The following HIVEP2 variants were observed in gnomAD, a reference collection of about 807,000 sequenced individuals.
The protein encoded by HIVEP2 is transcription factor HIVEP2.
HIVEP2 carries 14 observed loss-of-function variants against 180.7 expected under a neutral mutation model. The observed-to-expected ratio is 0.08, with a 90% CI of 0.05 to 0.12. HIVEP2 has a LOEUF of 0.12. HIVEP2 is among the 10% of genes least tolerant of loss of function. The pLI is 1.00. For missense variants in HIVEP2, 2,579 were observed against 3,008.5 expected, an observed-to-expected ratio of 0.86 and a Z score of 3.34; for synonymous variants, 1,184 against 1,136.4, an observed-to-expected ratio of 1.04 and a Z score of -0.84.
chr6:142,943,084 T>C lies in HIVEP2; in HGVS notation c.-641+2015A>G, dbSNP rs1778218400. The stretch of plus-strand genomic sequence containing the variant: ...TCACAATGCAAATGTACAGTTGTCA[T>C]TTGGTACTATGACTCCTTAGGGTTC... On this transcript the variant is annotated intron_variant, in intron 1 of 9. Transcript: ENST00000367603. The surrounding 1 kb of genome is among the most constrained non-coding windows in gnomAD (Gnocchi z 4.5). Among the ~76,000 whole-genome samples the C allele has an allele frequency of 6.6e-6, 1 of 152,204 alleles. No individual in the cohort carries two copies. The highest frequency in any genetic ancestry group is 1.5e-5 in the Non-Finnish European group (1 of 68,014).
chr6:142,835,537 T>C (rs1032143031), intron 2 of HIVEP2, among the ~76,000 whole-genome samples: 1 of 152,212 alleles, frequency 6.6e-6, no homozygotes, highest in African/African-American at 2.4e-5. Context: ...ATTATAGCTA[T>C]TGAAAAAATT....
At position 142,772,787 on chromosome 6, in the gene HIVEP2, G is replaced by A. The variant is rs368313332; in HGVS notation, c.1952C>T (p.Ser651Phe). The change falls in exon 5 of 10, where the codon TCT (serine) becomes TTT (phenylalanine). Residue 651 changes from serine (S) to phenylalanine (F), a missense_variant. Around this residue, in one of 11 missense-constraint regions of HIVEP2, gnomAD observed 524 missense variants for 563.6 expected, o/e 0.93. Coordinates refer to ENST00000367603, the MANE Select transcript of HIVEP2 (RefSeq NM_006734.4). The surrounding 1 kb of genome is among the most constrained non-coding windows in gnomAD (Gnocchi z 4.9). Reference sequence around the variant, plus strand: ...CCTGTAGTTTTGCTTTGGTGTTTCAGAGTCCTCCCACTTCTTATAGGGTTT... The same window carrying A: ...CCTGTAGTTTTGCTTTGGTGTTTCAAAGTCCTCCCACTTCTTATAGGGTTT... The part of the protein sequence containing the change: ...CRKPYKKWED[S>F]ETPKQNYRDI... 1 of 1,614,186 alleles carries A rather than the reference G, an allele frequency of 6.2e-7. No individual in the cohort carries two copies. The highest frequency in any genetic ancestry group is 8.5e-7 in the Non-Finnish European group (1 of 1,180,046).
intron 1 of HIVEP2, among the ~76,000 whole-genome samples, chr6:142,868,634 T>C (rs1466695417): frequency 1.3e-5 from 2 of 152,166 alleles, no homozygotes; most frequent in East Asian, 3.8e-4. Context: ...TAATTCAATA[T>C]AGGGCAAACT....
chr6:142,802,780 C>T (rs921832898), intron 2 of HIVEP2, among the ~76,000 whole-genome samples: 62 of 152,104 alleles, frequency 4.1e-4, no homozygotes, highest in African/African-American at 1.4e-3. Context: ...CAGCAATACA[C>T]AAAGAAAAGA....
At chr6:142,930,865 C>A (rs72997035) in intron 1 of HIVEP2, among the ~76,000 whole-genome samples, 5,567 of 152,234 alleles carry the variant, frequency 0.037, 148 homozygotes, top group Non-Finnish European at 0.054. Flanking sequence ...TTTTCCTATT[C>A]TCTCCTAGTC....
chr6:142,881,243 C>T (rs1207554546), intron 1 of HIVEP2, among the ~76,000 whole-genome samples: 3 of 152,196 alleles, frequency 2.0e-5, no homozygotes, highest in Non-Finnish European at 4.4e-5. Context: ...ATCCAGTTCA[C>T]ACGAGTCAGG....
intron 3 of HIVEP2, among the ~76,000 whole-genome samples, chr6:142,782,352 T>C (rs1409154549): frequency 6.6e-6 from 1 of 152,196 alleles, no homozygotes; most frequent in Non-Finnish European, 1.5e-5. Context: ...GTTGTAACAT[T>C]GATCCCACGA....
intron 8 of HIVEP2, 123 bp downstream of exon 8, chr6:142,761,341 A>G: frequency 1.7e-6 from 1 of 581,132 alleles, no homozygotes; most frequent in Non-Finnish European, 3.1e-6. Flanking sequence ...TTCTATATTT[A>G]GTATTTAATA....
intron 5 of HIVEP2, among the ~76,000 whole-genome samples, chr6:142,768,792 T>C (rs1449154234): frequency 1.3e-5 from 2 of 151,814 alleles, no homozygotes; most frequent in Non-Finnish European, 1.5e-5. Context: ...GATACACATA[T>C]ACACTCAGCA....
At chr6:142,815,802 T>C (rs766956640) in intron 2 of HIVEP2, among the ~76,000 whole-genome samples, 17 of 152,240 alleles carry the variant, frequency 1.1e-4, no homozygotes, top group Non-Finnish European at 2.4e-4. Context: ...GCTAGTCTTC[T>C]GCACAAAATA....
chr6:142,796,426 T>C (rs1032837228), intron 2 of HIVEP2, among the ~76,000 whole-genome samples: 5 of 152,178 alleles, frequency 3.3e-5, no homozygotes, highest in Admixed American at 2.0e-4. Context: ...ATTTTGTATG[T>C]TGTCTGTATT....
chr6:142,936,483 C>G (rs546647067), intron 1 of HIVEP2, among the ~76,000 whole-genome samples: 1 of 151,930 alleles, frequency 6.6e-6, no homozygotes, highest in Admixed American at 6.6e-5. Flanking sequence ...AGCCACCGCC[C>G]GACCACCAGC....
chr6:142,808,671 TAGA>T (rs1019036593), intron 2 of HIVEP2, among the ~76,000 whole-genome samples: 1 of 131,678 alleles, frequency 7.6e-6, no homozygotes, highest in African/African-American at 3.0e-5. Flanking sequence ...GCTAGATGGA[TAGA>T]AGGATGGATG....
At chr6:142,826,378 T>C (rs1774901507) in intron 2 of HIVEP2, among the ~76,000 whole-genome samples, 1 of 152,172 alleles carries the variant, frequency 6.6e-6, no homozygotes, top group Admixed American at 6.5e-5. Flanking sequence ...GTCTCAATGG[T>C]CCCTCACAAT....
chr6:142,920,269 T>C (rs912558994), intron 1 of HIVEP2, among the ~76,000 whole-genome samples: 1 of 152,208 alleles, frequency 6.6e-6, no homozygotes, highest in African/African-American at 2.4e-5. Context: ...TGCTACTTAT[T>C]TGTCACTCAA....
intron 2 of HIVEP2, among the ~76,000 whole-genome samples, chr6:142,796,584 A>G (rs1031228465): frequency 6.6e-6 from 1 of 152,154 alleles, no homozygotes; most frequent in Non-Finnish European, 1.5e-5. Flanking sequence ...TCTGCCTGAA[A>G]TGGTGGCAAC....
At chr6:142,881,226 T>C (rs983162794) in intron 1 of HIVEP2, among the ~76,000 whole-genome samples, 4 of 152,338 alleles carry the variant, frequency 2.6e-5, no homozygotes, top group Middle Eastern at 3.4e-3. Context: ...ATTTTGGATA[T>C]GGCCTTATCC....
chr6:142,816,931 C>T (rs1776855596), intron 2 of HIVEP2, among the ~76,000 whole-genome samples: 1 of 152,092 alleles, frequency 6.6e-6, no homozygotes, highest in African/African-American at 2.4e-5. Flanking sequence ...CACGCTATCT[C>T]TCTCTCTCAA....
chr6:142,793,047 C>T (rs1254829581), intron 2 of HIVEP2, among the ~76,000 whole-genome samples: 1 of 152,094 alleles, frequency 6.6e-6, no homozygotes, highest in Admixed American at 6.6e-5. Flanking sequence ...GTACTTGCAG[C>T]AGTCTTAGGA....
Sources: allele counts gnomAD v4.1 joint callset (sites outside exome capture counted in the v4.1 genomes callset), GRCh38; gene constraint gnomAD v4.1.1; regional missense constraint gnomAD v4.1.1; non-coding constraint Gnocchi (gnomAD v3.1); transcripts MANE v1.5; gene names NCBI Gene and HGNC (gene_info 2026-07-23, HGNC 2026-07-21).